Variants in DAAM2 observed in about 807,000 individuals in gnomAD.
DAAM2 encodes dishevelled associated activator of morphogenesis 2.
In DAAM2, 39 loss-of-function variants were observed where a neutral mutation model predicts 120.7. That is an observed-to-expected ratio of 0.32 (90% CI 0.25 to 0.42). The LOEUF (loss-of-function observed/expected upper bound fraction) is 0.42, where lower values mean the gene tolerates loss of function less well. Ranked by LOEUF, DAAM2 falls within the 10% of genes least tolerant of loss-of-function variation. The pLI is 1.00. For synonymous variants in DAAM2, 488 were observed against 524.9 expected (o/e 0.93, Z 0.96); for missense variants, 1,283 against 1,401.7 (o/e 0.92, Z 1.35).
At chr6:39,888,634 G>T in intron 16 of DAAM2, 45 bp from the exon 17 acceptor site, 1 of 1,562,238 alleles carries the variant, frequency 6.4e-7, no homozygotes, top group Non-Finnish European at 8.8e-7. Context: ...TTTTGGAGAA[G>T]AAGGTTTGAG....
intron 1 of DAAM2, among the ~76,000 whole-genome samples, chr6:39,824,864 A>T (rs983554636): frequency 6.6e-6 from 1 of 152,162 alleles, no homozygotes; most frequent in African/African-American, 2.4e-5. Flanking sequence ...GGCCATGGGG[A>T]AAGGCCAGCT....
chr6:39,898,487 C>T (rs866484432), intron 21 of DAAM2, among the ~76,000 whole-genome samples: 1 of 152,196 alleles, frequency 6.6e-6, no homozygotes, highest in Non-Finnish European at 1.5e-5. Flanking sequence ...AAACTAGAAA[C>T]ATAGTGGTAA....
chr6:39,865,014 C>T lies in DAAM2; in HGVS notation c.368C>T (p.Thr123Met), dbSNP rs371082714. Residue 123 changes from threonine to methionine, a missense_variant, in exon 5 of 25, where the codon ACG (threonine) becomes ATG (methionine). Transcript: ENST00000274867. ...CTGTACGCGTTTGATGAGGAGGAGA[C>T]GGAGATGAGGAACCAAGTCGTGGAA... ...QSLYAFDEEE[T>M]EMRNQVVEDL... 11 of 1,607,628 alleles carry T rather than the reference C, an allele frequency of 6.8e-6. No individual in the cohort carries two copies. Among genetic ancestry groups the T allele is most frequent in the African/African-American group, 5.3e-5 (4 of 74,842 alleles).
chr6:39,860,025 A>G (rs1298400010), intron 2 of DAAM2, among the ~76,000 whole-genome samples: 1 of 152,224 alleles, frequency 6.6e-6, no homozygotes, highest in African/African-American at 2.4e-5. Flanking sequence ...TTTTAAAAAA[A>G]GCACACTATG....
At chr6:39,834,476 C>G (rs1328667104) in intron 1 of DAAM2, among the ~76,000 whole-genome samples, 1 of 152,122 alleles carries the variant, frequency 6.6e-6, no homozygotes, top group Non-Finnish European at 1.5e-5. Context: ...CTGGTACAGC[C>G]CTGACTCTCA....
At chr6:39,803,300 A>T (rs1027788727) in intron 1 of DAAM2, among the ~76,000 whole-genome samples, 2 of 152,212 alleles carry the variant, frequency 1.3e-5, no homozygotes, top group African/African-American at 4.8e-5. Context: ...CATATTCTTG[A>T]CAGATGAAGA....
intron 1 of DAAM2, among the ~76,000 whole-genome samples, chr6:39,811,605 C>G (rs1191633765): frequency 1.3e-5 from 2 of 152,214 alleles, no homozygotes; most frequent in African/African-American, 4.8e-5. Context: ...CATGATCCCT[C>G]TGCATATATA....
intron 1 of DAAM2, among the ~76,000 whole-genome samples, chr6:39,843,913 T>TA (rs1763460798): frequency 1.3e-5 from 2 of 152,102 alleles, no homozygotes; most frequent in Non-Finnish European, 2.9e-5. Context: ...GATGCTGCCA[T>TA]TTACGAGCTG....
chr6:39,851,827 A>C (rs1159287204), intron 1 of DAAM2, among the ~76,000 whole-genome samples: 6 of 152,220 alleles, frequency 3.9e-5, no homozygotes. Flanking sequence ...CTGCCATTGC[A>C]CAGAAAGGAA....
intron 1 of DAAM2, among the ~76,000 whole-genome samples, chr6:39,839,726 A>G (rs1226317427): frequency 6.6e-6 from 1 of 152,254 alleles, no homozygotes; most frequent in Non-Finnish European, 1.5e-5. Context: ...CTGCCAGCAA[A>G]TCGCAGGAGG....
chr6:39,900,640 A>C (rs945976121), intron 23 of DAAM2, among the ~76,000 whole-genome samples: 3 of 152,168 alleles, frequency 2.0e-5, no homozygotes, highest in Non-Finnish European at 4.4e-5. Flanking sequence ...CATAGACCTC[A>C]TGTATGGGGG....
rs1207992584 is a variant in DAAM2, at chr6:39,811,368, ATTG to A, written c.-57+18908_-57+18910del. 2.0e-5 allele frequency among the ~76,000 whole-genome samples: 3 copies of A among 152,036 alleles called. No homozygotes were observed. In the East Asian group the frequency reaches 5.8e-4, roughly 29 times the overall value. ...CAAGCACTCCAGTTGTTAAACCCTT[ATTG>A]TTGTAACTAGAGCCACCCTGAGCAT... On this transcript the variant is annotated intron_variant, in intron 1 of 24. Transcript: ENST00000274867.
chr6:39,879,133 C>A, intron 13 of DAAM2, 45 bp from the exon 14 acceptor site: 2 of 1,280,864 alleles, frequency 1.6e-6, no homozygotes, highest in Non-Finnish European at 2.2e-6. Context: ...TGAATGGCAA[C>A]GGTGCTGATG....
intron 2 of DAAM2, among the ~76,000 whole-genome samples, chr6:39,856,900 C>A (rs1268148062): frequency 6.6e-6 from 1 of 152,180 alleles, no homozygotes; most frequent in East Asian, 1.9e-4. Context: ...TGTGGGCAGA[C>A]ACTGGGCACC....
intron 8 of DAAM2, 77 bp downstream of exon 8, chr6:39,870,520 A>C (rs1276382822): frequency 2.2e-6 from 2 of 925,414 alleles, no homozygotes; most frequent in Admixed American, 4.0e-5. Context: ...GACCTTTGTG[A>C]AGGCTGCCCT....
chr6:39,878,395 C>T lies in DAAM2; in HGVS notation c.1361-9C>T. 1 of 1,611,182 alleles carries T rather than the reference C, an allele frequency of 6.2e-7. No homozygotes were observed. The highest frequency in any genetic ancestry group is 1.1e-5 in the South Asian group (1 of 90,524). On this transcript the variant is annotated splice_polypyrimidine_tract_variant and intron_variant, in intron 12 of 24. Coordinates refer to ENST00000274867, the MANE Select transcript of DAAM2 (RefSeq NM_001201427.2). This position sits in a 1 kb window ranked among gnomAD's most constrained non-coding sequence, Gnocchi z 5.0. ...TTCTGTTTCCTCTCCCGTCCCACCC[C>T]CATTCCAGAACACATGGAGCTTGTG...
rs759382010 is a variant in DAAM2 at position 39,901,334 on chromosome 6, T to C, written c.2844T>C (p.His948=). Reference sequence around the variant, plus strand: ...AGGCCTTGATGCACTTCGGGGAGCATGACAGCAAGATGCAGCCAGACGAAT... The same window carrying C: ...AGGCCTTGATGCACTTCGGGGAGCACGACAGCAAGATGCAGCCAGACGAAT... ...FAKALMHFGE[H]DSKMQPDEFF... Residue 948 remains histidine (H), a synonymous_variant, in exon 24 of 25, where the codon CAT becomes CAC. Coordinates refer to ENST00000274867, the MANE Select transcript of DAAM2 (RefSeq NM_001201427.2). The surrounding 1 kb of genome is among the most constrained non-coding windows in gnomAD (Gnocchi z 4.5). 6 of 1,613,946 alleles carry C rather than the reference T, an allele frequency of 3.7e-6. No homozygotes were observed. The Admixed American group carries it at 5.0e-5, about 13-fold the overall frequency.
chr6:39,798,243 C>T (rs771647918), intron 1 of DAAM2, among the ~76,000 whole-genome samples: 5 of 152,142 alleles, frequency 3.3e-5, no homozygotes, highest in Non-Finnish European at 7.4e-5. Context: ...ATTAAAAGAG[C>T]TTGCAAATTA....
intron 20 of DAAM2, 47 bp from the exon 21 acceptor site, chr6:39,897,128 G>T (rs373653798): frequency 3.6e-4 from 556 of 1,547,904 alleles, no homozygotes; most frequent in Non-Finnish European, 4.6e-4. Flanking sequence ...TGACCCTCGT[G>T]CCCAGTTTCC....
Sources: allele counts gnomAD v4.1 joint callset (sites outside exome capture counted in the v4.1 genomes callset), GRCh38; gene constraint gnomAD v4.1.1; non-coding constraint Gnocchi (gnomAD v3.1); transcripts MANE v1.5; gene names NCBI Gene and HGNC (gene_info 2026-07-23, HGNC 2026-07-21).